Variants in TOX3 observed in about 807,000 individuals in gnomAD.
TOX3 encodes the protein TOX high mobility group box family member 3, also known as CAG trinucleotide repeat-containing gene F9 protein.
In TOX3, 22 loss-of-function variants were observed where a neutral mutation model predicts 64.3. That is an observed-to-expected ratio of 0.34 (90% CI 0.24 to 0.49). TOX3 has a LOEUF of 0.49. TOX3 is among the 20% of genes least tolerant of loss of function. TOX3 has a pLI of 0.99. For missense variants in TOX3, 661 were observed against 714.4 expected (o/e 0.93, Z 0.85); for synonymous variants, 291 against 273.6 (o/e 1.06, Z -0.63).
chr16:52,442,967 A>G (rs1413906606), intron 6 of TOX3, among the ~76,000 whole-genome samples: 2 of 152,186 alleles, frequency 1.3e-5, no homozygotes, highest in East Asian at 3.8e-4. Flanking sequence ...CACAGGCTTC[A>G]TGAGCCCAAT....
chr16:52,499,150 ACCC>A (rs966623232), intron 1 of TOX3, among the ~76,000 whole-genome samples: 1 of 152,146 alleles, frequency 6.6e-6, no homozygotes, highest in East Asian at 1.9e-4. Context: ...GATTCACAAG[ACCC>A]CCTGGAAATT....
In TOX3 at chr16:52,486,615, G is replaced by A. The variant is rs546637079; in HGVS notation, c.88-18041C>T. On this transcript the variant is annotated intron_variant, in intron 1 of 6. Coordinates refer to ENST00000219746, the MANE Select transcript of TOX3 (RefSeq NM_001080430.4). ...GGCTGAGAGTAAGAGGGCCTGCTAT[G>A]GCCAAGGAAGAATTATAGATATAAA... is the stretch of plus-strand genomic sequence containing the variant. Among the ~76,000 whole-genome samples, 13 of 152,230 alleles carry A rather than the reference G, an allele frequency of 8.5e-5. No homozygotes were observed. In the East Asian group the frequency reaches 2.1e-3, roughly 25 times the overall value.
chr16:52,504,981 C>G, intron 1 of TOX3, among the ~76,000 whole-genome samples: 1 of 152,016 alleles, frequency 6.6e-6, no homozygotes. Flanking sequence ...ATTTCAGGCC[C>G]GCGCCACCAC....
Position 52,439,243 on chromosome 16 carries a change from C to T in TOX3, c.1713G>A (p.Ser571=), listed in dbSNP as rs768911675. ...IQSQTQTQVL[S]QVSIF ...TGCGTCTTCAGAAAATACTGACCTG[C>T]GATAATACTTGAGTCTGTGTCTGAG... Residue 571 remains serine (S), a synonymous_variant, in exon 7 of 7, where the codon TCG becomes TCA. Transcript: ENST00000219746. The T allele has an allele frequency of 1.2e-6, 2 of 1,613,858 alleles. No homozygotes were observed. The highest frequency in any genetic ancestry group is 1.1e-5 in the South Asian group (1 of 91,072).
At chr16:52,485,032 G>C (rs983889054) in intron 1 of TOX3, among the ~76,000 whole-genome samples, 1 of 141,226 alleles carries the variant, frequency 7.1e-6, no homozygotes, top group African/African-American at 3.0e-5. Context: ...GAAAATGTCA[G>C]ATAAATATAT....
At chr16:52,547,312 C>CG (rs1233716241), upstream of TOX3, 3 of 146,762 alleles carry the variant, frequency 2.0e-5, 1 homozygote, top group East Asian at 6.0e-4. Flanking sequence ...CCCGCCCCGC[C>CG]GGCCCCATCA....
intron 1 of TOX3, 24 bp from the exon 2 acceptor site, chr16:52,468,598 C>A: frequency 1.3e-6 from 2 of 1,546,802 alleles, no homozygotes; most frequent in Non-Finnish European, 1.8e-6. Context: ...GATTGTTTTA[C>A]GTTAATATGC....
At chr16:52,466,769 T>A (rs1396117808) in intron 2 of TOX3, among the ~76,000 whole-genome samples, 1 of 151,974 alleles carries the variant, frequency 6.6e-6, no homozygotes, top group African/African-American at 2.4e-5. Flanking sequence ...AATATAATAA[T>A]CCACTGAAAT....
chr16:52,516,191 T>C (rs1962450089), intron 1 of TOX3, among the ~76,000 whole-genome samples: 1 of 152,222 alleles, frequency 6.6e-6, no homozygotes, highest in Non-Finnish European at 1.5e-5. Flanking sequence ...AATCAAAGAT[T>C]AACATTAAGA....
intron 1 of TOX3, among the ~76,000 whole-genome samples, chr16:52,473,815 A>G (rs907810656): frequency 9.2e-5 from 14 of 152,220 alleles, no homozygotes; most frequent in African/African-American, 3.4e-4. Flanking sequence ...TAGAAACAAA[A>G]CATTGCAAAC....
At chr16:52,467,006 A>AT (rs1025663167) in intron 2 of TOX3, among the ~76,000 whole-genome samples, 1 of 152,164 alleles carries the variant, frequency 6.6e-6, no homozygotes, top group Non-Finnish European at 1.5e-5. Flanking sequence ...TTACGTGATT[A>AT]TTTTTTTACA....
At chr16:52,445,098 G>A (rs1960124085) in intron 5 of TOX3, 1 of 151,998 alleles carries the variant, frequency 6.6e-6, no homozygotes, top group Non-Finnish European at 1.5e-5. Context: ...TATATTTCTG[G>A]GACAGAAAAT....
intron 1 of TOX3, among the ~76,000 whole-genome samples, chr16:52,481,896 A>C (rs1961380241): frequency 6.6e-6 from 1 of 152,298 alleles, no homozygotes; most frequent in South Asian, 2.1e-4. Flanking sequence ...TTTTACTAGG[A>C]AAGAGCTCAC....
intron 4 of TOX3, among the ~76,000 whole-genome samples, chr16:52,450,063 A>G (rs573545521): frequency 6.6e-6 from 1 of 152,358 alleles, no homozygotes; most frequent in South Asian, 2.1e-4. Context: ...CCTTACAGCT[A>G]TAGTAGGAGA....
intron 5 of TOX3, chr16:52,445,292 A>G (rs1349140913): frequency 6.6e-6 from 1 of 152,152 alleles, no homozygotes; most frequent in East Asian, 1.9e-4. Flanking sequence ...CACTCATAGG[A>G]GTTGATCTAT....
chr16:52,452,357 G>A (rs1440861772), intron 3 of TOX3, among the ~76,000 whole-genome samples: 1 of 152,156 alleles, frequency 6.6e-6, no homozygotes, highest in Admixed American at 6.5e-5. Context: ...TTGTCCTTGT[G>A]ATAGATTGCT....
At chr16:52,478,891 G>A (rs1419736301) in intron 1 of TOX3, among the ~76,000 whole-genome samples, 1 of 152,174 alleles carries the variant, frequency 6.6e-6, no homozygotes, top group African/African-American at 2.4e-5. Flanking sequence ...AGAGTTGGAA[G>A]TGAGAAGCCT....
chr16:52,520,597 T>C (rs1962584582), intron 1 of TOX3, among the ~76,000 whole-genome samples: 1 of 152,242 alleles, frequency 6.6e-6, no homozygotes, highest in Admixed American at 6.5e-5. Context: ...AGATGTATTT[T>C]ACAGTTGAAA....
At chr16:52,459,042 A>AGTG (rs1274669291) in intron 3 of TOX3, among the ~76,000 whole-genome samples, 1 of 152,192 alleles carries the variant, frequency 6.6e-6, no homozygotes, top group East Asian at 1.9e-4. Context: ...GGCCAGGTGC[A>AGTG]GTGGCTCATG....
Sources: gnomAD v4.1 joint callset for allele counts (sites outside exome capture counted in the v4.1 genomes callset) on GRCh38, gnomAD v4.1.1 for gene constraint, MANE v1.5 for transcripts, NCBI Gene and HGNC (gene_info 2026-07-23, HGNC 2026-07-21) for gene names.